Variants in MED27 observed in about 807,000 individuals in gnomAD.
MED27 encodes the protein mediator of RNA polymerase II transcription subunit 27.
MED27 carries 30 observed loss-of-function variants against 38.2 expected under a neutral mutation model. The observed-to-expected ratio is 0.79, with a 90% confidence interval of 0.59 to 1.07. The LOEUF (loss-of-function observed/expected upper bound fraction) is 1.07, where lower values mean the gene tolerates loss of function less well. Ranked by LOEUF, MED27 falls within the 50% of genes least tolerant of loss-of-function variation. The pLI, the probability that MED27 is intolerant of heterozygous loss-of-function variation, is 0.00. For missense variants in MED27, 289 were observed against 397.5 expected (o/e 0.73, Z 2.32); for synonymous variants, 122 against 153.5 (o/e 0.79, Z 1.52).
chr9:131,881,800 C>CTTTTTTTTT (rs61624043), intron 6 of MED27, among the ~76,000 whole-genome samples: 669 of 60,936 alleles, frequency 0.011, 77 homozygotes, highest in Non-Finnish European at 0.013. Flanking sequence ...TCTTCTTCTT[C>CTTTTTTTTT]TTTTTTTTTT....
At chr9:131,948,222 C>T (rs1276680412) in intron 3 of MED27, among the ~76,000 whole-genome samples, 1 of 152,094 alleles carries the variant, frequency 6.6e-6, no homozygotes, top group Admixed American at 6.5e-5. Context: ...CAGTGGTTCA[C>T]GCCTGTAATC....
intron 6 of MED27, chr9:131,869,006 C>G: frequency 1.0e-6 from 1 of 985,456 alleles, no homozygotes; most frequent in Non-Finnish European, 1.2e-6. Flanking sequence ...CATTGCTGGT[C>G]GGCAATCTGG....
At chr9:132,040,215 T>C (rs1169963513) in intron 2 of MED27, among the ~76,000 whole-genome samples, 1 of 152,222 alleles carries the variant, frequency 6.6e-6, no homozygotes, top group Non-Finnish European at 1.5e-5. Flanking sequence ...ACAAAGCTGC[T>C]GCCAGCCACC....
intron 4 of MED27, among the ~76,000 whole-genome samples, chr9:131,928,486 G>A (rs910414992): frequency 2.6e-5 from 4 of 152,240 alleles, no homozygotes; most frequent in Admixed American, 1.3e-4. Context: ...AGACAGTCTT[G>A]AGTGACACCA....
intron 3 of MED27, among the ~76,000 whole-genome samples, chr9:131,940,893 CTTA>C (rs1830774646): frequency 6.6e-6 from 1 of 152,214 alleles, no homozygotes; most frequent in African/African-American, 2.4e-5. Flanking sequence ...ACCTGTATCT[CTTA>C]AGGTTTTCAG....
At chr9:131,936,300 C>A (rs904082395) in intron 4 of MED27, among the ~76,000 whole-genome samples, 4 of 152,134 alleles carry the variant, frequency 2.6e-5, no homozygotes, top group Non-Finnish European at 4.4e-5. Context: ...CCCGCAGCCA[C>A]GGGAAACAAC....
chr9:131,916,028 CAAT>C (rs1341198365), intron 4 of MED27, among the ~76,000 whole-genome samples: 24 of 152,288 alleles, frequency 1.6e-4, no homozygotes, highest in Middle Eastern at 3.4e-3. Context: ...TTTATATAAT[CAAT>C]AATACCATAG....
At chr9:132,071,958 C>CAATCCATG (rs756867825) in intron 2 of MED27, among the ~76,000 whole-genome samples, 1 of 152,024 alleles carries the variant, frequency 6.6e-6, no homozygotes, top group Non-Finnish European at 1.5e-5. Flanking sequence ...GAGTAACATG[C>CAATCCATG]AATCCATGAG....
chr9:131,956,817 T>G (rs1176506063), intron 3 of MED27, among the ~76,000 whole-genome samples: 1 of 147,310 alleles, frequency 6.8e-6, no homozygotes, highest in African/African-American at 2.5e-5. Context: ...CAACACCCAA[T>G]TGATGATTAA....
intron 3 of MED27, among the ~76,000 whole-genome samples, chr9:131,941,983 G>A (rs146651610): frequency 3.1e-3 from 466 of 151,848 alleles, no homozygotes; most frequent in Non-Finnish European, 4.5e-3. Flanking sequence ...CCGCCACCAC[G>A]CCTGGCTAAC....
At chr9:131,875,796 G>C (rs1838920610) in intron 6 of MED27, among the ~76,000 whole-genome samples, 1 of 152,104 alleles carries the variant, frequency 6.6e-6, no homozygotes, top group African/African-American at 2.4e-5. Flanking sequence ...ATTTTTTTGG[G>C]GAGATGGGGT....
intron 6 of MED27, among the ~76,000 whole-genome samples, chr9:131,863,821 G>A (rs1167373097): frequency 2.0e-5 from 3 of 152,146 alleles, no homozygotes; most frequent in Non-Finnish European, 4.4e-5. Flanking sequence ...CACCTTAGGG[G>A]TCTGTGCCTA....
intron 6 of MED27, among the ~76,000 whole-genome samples, chr9:131,864,690 T>C (rs904412523): frequency 6.6e-6 from 1 of 152,260 alleles, no homozygotes; most frequent in Non-Finnish European, 1.5e-5. Flanking sequence ...CGCACGGTGA[T>C]GTGTGTCCAC....
rs1839083218 is a variant in MED27, at chr9:131,883,442, G to C, written c.723+616C>G. On this transcript the variant is annotated intron_variant, in intron 6 of 7. Transcript: ENST00000292035. This position sits in a 1 kb window ranked among gnomAD's most constrained non-coding sequence, Gnocchi z 4.2. ...GGAGCTGGGGAAATGAATTTTCTCT[G>C]GTCACTTTTCATTTCGTCTGACATT... 6.6e-6 allele frequency among the ~76,000 whole-genome samples: 1 copy of C among 152,070 alleles called. No homozygotes were observed. The highest frequency in any genetic ancestry group is 6.5e-5 in the Admixed American group (1 of 15,272).
rs942686910 is a variant in MED27, at chr9:132,003,024, T to G, written c.479+11313A>C. Among the ~76,000 whole-genome samples the G allele has an allele frequency of 6.6e-6, 1 of 151,718 alleles. No individual in the cohort carries two copies. Among genetic ancestry groups the G allele is most frequent in the Non-Finnish European group, 1.5e-5 (1 of 67,938 alleles). On this transcript the variant is annotated intron_variant, in intron 3 of 7. Coordinates refer to ENST00000292035, the MANE Select transcript of MED27 (RefSeq NM_004269.4). This position sits in a 1 kb window ranked among gnomAD's most constrained non-coding sequence, Gnocchi z 4.2. Reference sequence around the variant, plus strand: ...AAAAGAGTTTCACTTACAACCAGCATTAGTTGGGGGACAGCATGGTGTGAA... The same window carrying G: ...AAAAGAGTTTCACTTACAACCAGCAGTAGTTGGGGGACAGCATGGTGTGAA...
intron 3 of MED27, among the ~76,000 whole-genome samples, chr9:131,964,024 C>T (rs1831279775): frequency 6.6e-6 from 1 of 151,856 alleles, no homozygotes; most frequent in African/African-American, 2.4e-5. Context: ...GACTACCCAC[C>T]CAGAGTAAGT....
rs565160622 is a variant in MED27 at position 131,868,827 on chromosome 9, G to A, written c.724-5687C>T. On this transcript the variant is annotated intron_variant, in intron 6 of 7. Coordinates refer to ENST00000292035, the MANE Select transcript of MED27 (RefSeq NM_004269.4). ...GTCTTTGGGAAGCTACAGTTCCGAC[G>A]CCAGGCACAGGCTGGGAGATTCACA... is the stretch of plus-strand genomic sequence containing the variant. 2,434 of 985,420 alleles carry A rather than the reference G, an allele frequency of 2.5e-3. 5 individuals carry two copies. The highest frequency in any genetic ancestry group is 2.7e-3 in the Non-Finnish European group (2,276 of 829,928). The allele number at this position is 985,420 out of a possible 1,614,324, so 61.0% of individuals were successfully genotyped here.
At chr9:131,929,143 G>T (rs1170209125) in intron 4 of MED27, among the ~76,000 whole-genome samples, 2 of 152,184 alleles carry the variant, frequency 1.3e-5, no homozygotes, top group Non-Finnish European at 2.9e-5. Context: ...TCCCTTGAAG[G>T]GATGGACCTA....
At chr9:132,007,822 G>C (rs745921372) in intron 3 of MED27, among the ~76,000 whole-genome samples, 10 of 151,910 alleles carry the variant, frequency 6.6e-5, no homozygotes, top group African/African-American at 1.5e-4. Flanking sequence ...TCTTAGCTTG[G>C]AGCACGAATA....
Sources: gnomAD v4.1 joint callset for allele counts (sites outside exome capture counted in the v4.1 genomes callset) on GRCh38, gnomAD v4.1.1 for gene constraint, Gnocchi (gnomAD v3.1) non-coding constraint, MANE v1.5 for transcripts, NCBI Gene and HGNC (gene_info 2026-07-23, HGNC 2026-07-21) for gene names.